The following ADD3 variants were observed in gnomAD, a reference collection of about 807,000 sequenced individuals.
ADD3 encodes the protein adducin 3, also known as gamma-adducin.
A neutral mutation model predicts 80.2 loss-of-function variants in ADD3; 25 were observed. The ratio of observed to expected loss-of-function variants is 0.31; its 90% CI spans 0.23 to 0.44. The LOEUF is 0.44. Ranked by LOEUF, ADD3 falls within the 20% of genes least tolerant of loss-of-function variation. The probability of loss-of-function intolerance (pLI) is 1.00; values close to 1 mark genes in which losing one functional copy is unlikely to be tolerated. For missense variants in ADD3, 829 were observed against 847.5 expected (o/e 0.98, Z 0.27); for synonymous variants, 284 against 289.6 (o/e 0.98, Z 0.20).
chr10:110,033,136 A>G (rs1019252777), intron 1 of ADD3, among the ~76,000 whole-genome samples: 5 of 152,242 alleles, frequency 3.3e-5, no homozygotes, highest in African/African-American at 1.2e-4. Flanking sequence ...TCTTTGAATG[A>G]AAAACCCTGT....
rs976891231 is a variant in ADD3, at chr10:110,008,192, C to T, written c.-137C>T. The T allele has an allele frequency of 1.3e-5, 2 of 152,388 alleles. No individual in the cohort carries two copies. Among genetic ancestry groups the T allele is most frequent in the Admixed American group, 1.3e-4 (2 of 15,292 alleles). 9.4% of individuals were successfully genotyped at this position (152,388 alleles called of 1,614,324 possible). The stretch of plus-strand genomic sequence containing the variant: ...TTCTCCCGCCCTACCCTCTGGGGCT[C>T]TGCGGCGCTTAAGAGGCGGCCGCAG... On this transcript the variant is annotated 5_prime_UTR_variant, in exon 1 of 15. Coordinates refer to ENST00000356080, the MANE Select transcript of ADD3 (RefSeq NM_016824.5).
intron 2 of ADD3, among the ~76,000 whole-genome samples, chr10:110,102,315 A>AT (rs2133965343): frequency 6.6e-6 from 1 of 152,322 alleles, no homozygotes; most frequent in East Asian, 1.9e-4. Flanking sequence ...TTTAAGAACT[A>AT]ACTTACTAGA....
chr10:110,082,237 TA>T (rs1309141460), intron 1 of ADD3, among the ~76,000 whole-genome samples: 1 of 118,154 alleles, frequency 8.5e-6, no homozygotes, highest in Admixed American at 7.1e-5. Context: ...AGTATCACTC[TA>T]AAAAAAAACT....
chr10:110,061,116 A>G (rs1048625398), intron 1 of ADD3, among the ~76,000 whole-genome samples: 5 of 152,168 alleles, frequency 3.3e-5, no homozygotes, highest in African/African-American at 9.7e-5. Context: ...ACCCACCGCT[A>G]TATAATATGA....
chr10:110,039,639 TA>T (rs1225409364), intron 1 of ADD3, among the ~76,000 whole-genome samples: 1 of 152,206 alleles, frequency 6.6e-6, no homozygotes, highest in Non-Finnish European at 1.5e-5. Flanking sequence ...ACCCCCAAAC[TA>T]AGCAGCTTCA....
At chr10:110,056,489 A>G (rs2133450642) in intron 1 of ADD3, among the ~76,000 whole-genome samples, 1 of 152,332 alleles carries the variant, frequency 6.6e-6, no homozygotes, top group Middle Eastern at 3.4e-3. Context: ...AGCACAGCCG[A>G]AGTAAGGGTT....
chr10:110,061,984 TG>T, intron 1 of ADD3, among the ~76,000 whole-genome samples: 1 of 151,964 alleles, frequency 6.6e-6, no homozygotes, highest in Non-Finnish European at 1.5e-5. Context: ...CCCAACACTT[TG>T]GGGTTCCAGG....
At chr10:110,100,405 T>C (rs984939567) in intron 1 of ADD3, among the ~76,000 whole-genome samples, 1 of 149,854 alleles carries the variant, frequency 6.7e-6, no homozygotes, top group Admixed American at 6.6e-5. Context: ...AATTGAACCA[T>C]GAGTTTCTGT....
chr10:110,070,130 A>G (rs1347470471), intron 1 of ADD3, among the ~76,000 whole-genome samples: 2 of 152,148 alleles, frequency 1.3e-5, no homozygotes, highest in Non-Finnish European at 2.9e-5. Context: ...ACCAAGCTCC[A>G]GGGTAACTTG....
chr10:110,115,380 A>G (rs1850595188), intron 3 of ADD3, among the ~76,000 whole-genome samples: 1 of 148,546 alleles, frequency 6.7e-6, no homozygotes, highest in Non-Finnish European at 1.5e-5. Flanking sequence ...CAAGAGTGAA[A>G]CTCCGTCTCA....
chr10:110,100,601 C>T, intron 1 of ADD3, 24 bp from the exon 2 acceptor site: 1 of 1,394,322 alleles, frequency 7.2e-7, no homozygotes. Context: ...TCATGGATGT[C>T]CTTCTTTGTG....
At chr10:110,097,539 A>G (rs1421321892) in intron 1 of ADD3, among the ~76,000 whole-genome samples, 2 of 152,182 alleles carry the variant, frequency 1.3e-5, no homozygotes, top group African/African-American at 2.4e-5. Context: ...GATTCCCTAA[A>G]TGATAATATC....
intron 1 of ADD3, among the ~76,000 whole-genome samples, chr10:110,099,404 C>T (rs1018394537): frequency 9.2e-5 from 14 of 152,160 alleles, no homozygotes; most frequent in Non-Finnish European, 1.9e-4. Context: ...CCCCTTCTCC[C>T]TTCCGTTTCC....
At chr10:110,062,754 G>A (rs1859086073) in intron 1 of ADD3, among the ~76,000 whole-genome samples, 2 of 152,264 alleles carry the variant, frequency 1.3e-5, no homozygotes, top group Middle Eastern at 3.4e-3. Context: ...TCAGAAAGTA[G>A]CATTCTACCA....
chr10:110,080,312 A>G (rs4918478), intron 1 of ADD3, among the ~76,000 whole-genome samples: 26,327 of 152,172 alleles, frequency 0.17, 3,196 homozygotes, highest in Admixed American at 0.39. Context: ...ATGAGTTTTA[A>G]TGTCCCACCC....
intron 8 of ADD3, 57 bp from the exon 9 acceptor site, chr10:110,122,053 A>G (rs1565025048): frequency 3.4e-6 from 5 of 1,449,702 alleles, no homozygotes; most frequent in Non-Finnish European, 9.3e-7. Context: ...TGAAAGTAAA[A>G]TACTCATTAC....
chr10:110,133,259 T>C, intron 14 of ADD3, 67 bp from the exon 15 acceptor site: 10 of 1,470,350 alleles, frequency 6.8e-6, no homozygotes, highest in Non-Finnish European at 9.1e-6. Flanking sequence ...AACATTTCAG[T>C]TTTGTAAAGT....
intron 12 of ADD3, among the ~76,000 whole-genome samples, 155 bp downstream of exon 12, chr10:110,126,658 T>A (rs1215415159): frequency 6.6e-6 from 1 of 152,254 alleles, no homozygotes; most frequent in African/African-American, 2.4e-5. Flanking sequence ...ATTCCCAGTT[T>A]CCAGGTGCAG....
Position 110,117,664 on chromosome 10 carries a change from AT to A in ADD3, c.567+255del, listed in dbSNP as rs113227454. 3.1e-3 allele frequency among the ~76,000 whole-genome samples: 449 copies of A among 146,070 alleles called. 1 individual carries two copies. The highest frequency in any genetic ancestry group is 5.4e-3 in the East Asian group (27 of 5,002). ...TGTCTATGTTTTGAAGGGAATCGTGATTTTTTTTTTTTTACCACCCTATACA... is the reference window on the plus strand; with the variant it reads ...TGTCTATGTTTTGAAGGGAATCGTGATTTTTTTTTTTTACCACCCTATACA... On this transcript the variant is annotated intron_variant, in intron 5 of 14. Transcript: ENST00000356080.
Sources: allele counts gnomAD v4.1 joint callset (sites outside exome capture counted in the v4.1 genomes callset), GRCh38; gene constraint gnomAD v4.1.1; transcripts MANE v1.5; gene names NCBI Gene and HGNC (gene_info 2026-07-23, HGNC 2026-07-21).